The following SCFD2 variants were observed in gnomAD, a reference collection of about 807,000 sequenced individuals.
SCFD2 encodes sec1 family domain-containing protein 2.
A neutral mutation model predicts 58.9 loss-of-function variants in SCFD2; 54 were observed. The ratio of observed to expected loss-of-function variants is 0.92; its 90% CI spans 0.74 to 1.15. SCFD2 has a LOEUF of 1.15. Ranked by LOEUF, SCFD2 falls within the 50% of genes most tolerant of loss-of-function variation. The probability of loss-of-function intolerance (pLI) is 0.00; values close to 1 mark genes in which losing one functional copy is unlikely to be tolerated. For missense variants in SCFD2, 805 were observed against 836.6 expected (o/e 0.96, Z 0.47); for synonymous variants, 321 against 335.9 (o/e 0.96, Z 0.49).
At chr4:52,880,655 G>C (rs1258581207) in intron 8 of SCFD2, among the ~76,000 whole-genome samples, 2 of 151,718 alleles carry the variant, frequency 1.3e-5, no homozygotes, top group Non-Finnish European at 2.9e-5. Context: ...AGAAAAAAAA[G>C]TATTGAACTC....
intron 5 of SCFD2, among the ~76,000 whole-genome samples, chr4:52,926,006 C>T (rs1457246506): frequency 6.6e-6 from 1 of 152,106 alleles, no homozygotes; most frequent in Non-Finnish European, 1.5e-5. Flanking sequence ...TTACTGAAGC[C>T]CCTTTCCTTC....
intron 5 of SCFD2, among the ~76,000 whole-genome samples, chr4:53,036,977 G>GT (rs2148822069): frequency 6.6e-6 from 1 of 152,308 alleles, no homozygotes; most frequent in African/African-American, 2.4e-5. Context: ...CAAAGGAGCA[G>GT]TAAGGGGAAA....
intron 3 of SCFD2, among the ~76,000 whole-genome samples, chr4:53,277,791 G>C (rs568159631): frequency 2.0e-5 from 3 of 152,330 alleles, no homozygotes; most frequent in African/African-American, 7.2e-5. Context: ...GGTGGCTCAC[G>C]CCTGTAATCG....
chr4:53,022,320 T>A (rs573844774), intron 5 of SCFD2, among the ~76,000 whole-genome samples: 1 of 152,310 alleles, frequency 6.6e-6, no homozygotes, highest in East Asian at 1.9e-4. Context: ...CCTCCACCTA[T>A]AAGTCAGCCC....
At chr4:52,932,050 C>A (rs892747203) in intron 5 of SCFD2, among the ~76,000 whole-genome samples, 1 of 152,194 alleles carries the variant, frequency 6.6e-6, no homozygotes, top group African/African-American at 2.4e-5. Context: ...ACATCAGGTA[C>A]ACTATTTCTG....
intron 4 of SCFD2, among the ~76,000 whole-genome samples, chr4:53,263,254 A>C (rs1730881346): frequency 6.6e-6 from 1 of 152,060 alleles, no homozygotes; most frequent in Non-Finnish European, 1.5e-5. Flanking sequence ...TTTTCTGGAA[A>C]TTTAGAGATT....
At chr4:53,304,609 T>G (rs1174494916) in intron 3 of SCFD2, among the ~76,000 whole-genome samples, 1 of 151,848 alleles carries the variant, frequency 6.6e-6, no homozygotes, top group African/African-American at 2.4e-5. Flanking sequence ...TTCTGCTTGA[T>G]CGATTCAGCT....
At chr4:53,108,310 G>A (rs1725064428) in intron 5 of SCFD2, among the ~76,000 whole-genome samples, 1 of 152,078 alleles carries the variant, frequency 6.6e-6, no homozygotes, top group Non-Finnish European at 1.5e-5. Flanking sequence ...ACCATTAAAA[G>A]AACTAGAGAA....
intron 4 of SCFD2, among the ~76,000 whole-genome samples, chr4:53,270,530 T>TGAAGTGTGGAAATGAAGTGG (rs1731130340): frequency 6.6e-6 from 1 of 152,190 alleles, no homozygotes; most frequent in Non-Finnish European, 1.5e-5. Flanking sequence ...AGACACTTGG[T>TGAAGTGTGGAAATGAAGTGG]ATCAAGTGTG....
intron 5 of SCFD2, among the ~76,000 whole-genome samples, chr4:52,992,797 G>A (rs907484446): frequency 2.0e-5 from 3 of 151,260 alleles, no homozygotes; most frequent in Admixed American, 6.6e-5. Context: ...CCAGGCAGCC[G>A]CCCCGTCCGG....
intron 5 of SCFD2, among the ~76,000 whole-genome samples, chr4:53,031,734 GA>G (rs1229650172): frequency 2.0e-5 from 3 of 151,930 alleles, no homozygotes; most frequent in African/African-American, 7.2e-5. Context: ...CAAGATTAGA[GA>G]AAAAAAGAAT....
At chr4:53,319,332 C>A (rs1732956739) in intron 2 of SCFD2, among the ~76,000 whole-genome samples, 1 of 152,180 alleles carries the variant, frequency 6.6e-6, no homozygotes. Context: ...TAATTTTCCA[C>A]TTTTATTCAG....
intron 5 of SCFD2, among the ~76,000 whole-genome samples, chr4:53,097,701 C>A (rs1210872411): frequency 6.6e-6 from 1 of 152,136 alleles, no homozygotes; most frequent in Non-Finnish European, 1.5e-5. Context: ...ATTGAATACA[C>A]TTTATTTCTT....
intron 2 of SCFD2, among the ~76,000 whole-genome samples, chr4:53,325,852 T>A (rs1305275243): frequency 6.6e-6 from 1 of 152,188 alleles, no homozygotes; most frequent in African/African-American, 2.4e-5. Context: ...TGTCCAGTTT[T>A]TTTTAGGATA....
intron 4 of SCFD2, among the ~76,000 whole-genome samples, chr4:53,258,803 A>G (rs912200008): frequency 3.9e-5 from 6 of 151,972 alleles, no homozygotes; most frequent in Non-Finnish European, 8.8e-5. Flanking sequence ...GAATCTCCAC[A>G]CTGTTTTTTA....
intron 5 of SCFD2, among the ~76,000 whole-genome samples, chr4:53,058,204 G>A (rs774329609): frequency 2.4e-4 from 36 of 151,990 alleles, no homozygotes; most frequent in Non-Finnish European, 4.7e-4. Flanking sequence ...TACTATTATA[G>A]AGATTATTAT....
chr4:53,347,284 C>T (rs1734085945), intron 2 of SCFD2, among the ~76,000 whole-genome samples: 1 of 152,174 alleles, frequency 6.6e-6, no homozygotes, highest in African/African-American at 2.4e-5. Context: ...GTCAAGTAGC[C>T]TCACTTCACT....
intron 3 of SCFD2, among the ~76,000 whole-genome samples, chr4:53,300,862 T>C (rs959977797): frequency 2.6e-5 from 4 of 152,048 alleles, no homozygotes; most frequent in East Asian, 1.9e-4. Flanking sequence ...GGGTAAATAA[T>C]GAAATGAAGG....
chr4:53,036,100 T>C (rs1055759874), intron 5 of SCFD2, among the ~76,000 whole-genome samples: 12 of 152,234 alleles, frequency 7.9e-5, no homozygotes, highest in African/African-American at 2.9e-4. Context: ...AGGGTACATG[T>C]GCACAATGTG....
Sources: allele counts gnomAD v4.1 joint callset (sites outside exome capture counted in the v4.1 genomes callset), GRCh38; gene constraint gnomAD v4.1.1; transcripts MANE v1.5; gene names NCBI Gene and HGNC (gene_info 2026-07-23, HGNC 2026-07-21).